RBM47: variants seen among roughly 807,000 people sequenced by gnomAD.
RBM47 encodes RNA-binding protein 47.
In RBM47, 21 loss-of-function variants were observed where a neutral mutation model predicts 47.1. The ratio of observed to expected loss-of-function variants is 0.45; its 90% CI spans 0.32 to 0.64. RBM47 has a LOEUF of 0.64. RBM47 is among the 30% of genes least tolerant of loss of function. The pLI, the probability that RBM47 is intolerant of heterozygous loss-of-function variation, is 0.05. For synonymous variants in RBM47, 375 were observed against 361.7 expected (o/e 1.04, Z -0.42); for missense variants, 708 against 870.9 (o/e 0.81, Z 2.35).
At chr4:40,456,559 C>CTT (rs1716274632) in intron 3 of RBM47, among the ~76,000 whole-genome samples, 3 of 118,728 alleles carry the variant, frequency 2.5e-5, no homozygotes, top group African/African-American at 6.2e-5. Context: ...TTTTTTTTTT[C>CTT]TTTTCTTTTT....
chr4:40,511,143 C>T (rs926272138), intron 2 of RBM47, among the ~76,000 whole-genome samples: 9 of 152,190 alleles, frequency 5.9e-5, no homozygotes, highest in Non-Finnish European at 1.2e-4. Flanking sequence ...CCAAGTTGCC[C>T]GTGTAGTTCT....
rs1194806938 is a variant in RBM47 at position 40,478,009 on chromosome 4, C to CTTTTTTTTTTTTTTTTT, written c.-154-11327_-154-11311dup. On this transcript the variant is annotated intron_variant, in intron 2 of 6. Transcript: ENST00000295971. ...TGCCACATGAGCCATGTGGCATGTTCTTTTTTTTTTTTTTTTTTTTTTTGA... is the reference window on the plus strand; with the variant it reads ...TGCCACATGAGCCATGTGGCATGTTCTTTTTTTTTTTTTTTTTTTTTTTTTTTTTTTTTTTTTTTTGA... Among the ~76,000 whole-genome samples the CTTTTTTTTTTTTTTTTT allele has an allele frequency of 6.9e-5, 6 of 86,408 alleles. 1 individual carries two copies. The highest frequency in any genetic ancestry group is 2.4e-4 in the African/African-American group (5 of 20,624). The allele number at this position is 86,408 out of a possible 152,430, so 56.7% of individuals were successfully genotyped here.
At chr4:40,596,195 G>A (rs1047499470) in intron 1 of RBM47, among the ~76,000 whole-genome samples, 3 of 152,166 alleles carry the variant, frequency 2.0e-5, no homozygotes, top group African/African-American at 2.4e-5. Flanking sequence ...TGGTTTTGTC[G>A]ACATGAGGTG....
chr4:40,501,024 T>C (rs16852276), intron 2 of RBM47, among the ~76,000 whole-genome samples: 40,433 of 151,820 alleles, frequency 0.27, 5,542 homozygotes, highest in Non-Finnish European at 0.3. Context: ...GATTATGTTC[T>C]TCATTAAGTT....
At position 40,437,758 on chromosome 4, in the gene RBM47, A is replaced by G; in HGVS notation, c.1123+13T>C. ...TCTTGGGGGCCCCACCCAGGAGAAG[A>G]GCCCCCACTAACCTTTCACAAAGTA... On this transcript the variant is annotated intron_variant, in intron 4 of 6. Transcript: ENST00000295971. The G allele has an allele frequency of 6.3e-7, 1 of 1,586,686 alleles. No individual in the cohort carries two copies.
intron 2 of RBM47, among the ~76,000 whole-genome samples, chr4:40,479,084 G>C (rs1283985692): frequency 2.0e-5 from 3 of 152,192 alleles, no homozygotes; most frequent in Non-Finnish European, 4.4e-5. Context: ...AGTTGGCTAA[G>C]AAGCTAATTA....
chr4:40,590,520 A>C (rs926628951), intron 1 of RBM47, among the ~76,000 whole-genome samples: 6 of 152,328 alleles, frequency 3.9e-5, no homozygotes, highest in African/African-American at 1.4e-4. Flanking sequence ...CTTGGACCCC[A>C]GTCTCCAAGC....
At chr4:40,479,975 ATTTTTTTTTTT>A (rs71647000) in intron 2 of RBM47, among the ~76,000 whole-genome samples, 1 of 117,312 alleles carries the variant, frequency 8.5e-6, no homozygotes, top group Non-Finnish European at 1.7e-5. Context: ...TATCATCTCC[ATTTTTTTTTTT>A]TTTTTTTTGA....
At chr4:40,534,769 C>T (rs963194247) in intron 2 of RBM47, among the ~76,000 whole-genome samples, 8 of 151,870 alleles carry the variant, frequency 5.3e-5, no homozygotes, top group African/African-American at 1.7e-4. Flanking sequence ...CCCATCTCTA[C>T]TAAAAATACA....
At chr4:40,574,121 G>C (rs1560479320) in intron 1 of RBM47, among the ~76,000 whole-genome samples, 2 of 152,152 alleles carry the variant, frequency 1.3e-5, no homozygotes, top group Admixed American at 1.3e-4. Context: ...TTGTGCAAAT[G>C]GTCTTCCGTT....
intron 2 of RBM47, among the ~76,000 whole-genome samples, chr4:40,491,394 T>C (rs1217689829): frequency 6.6e-6 from 1 of 152,158 alleles, no homozygotes; most frequent in African/African-American, 2.4e-5. Flanking sequence ...GGTATAAATC[T>C]TCATGACCTT....
intron 3 of RBM47, among the ~76,000 whole-genome samples, chr4:40,448,815 G>C (rs1714951933): frequency 1.3e-5 from 2 of 151,954 alleles, no homozygotes; most frequent in Non-Finnish European, 2.9e-5. Context: ...CATAGTTTGT[G>C]TTTTAGAGAG....
At chr4:40,569,359 C>T (rs6447202) in intron 1 of RBM47, among the ~76,000 whole-genome samples, 15,242 of 151,608 alleles carry the variant, frequency 0.1, 1,474 homozygotes, top group African/African-American at 0.25. Flanking sequence ...AAGAGTAGAA[C>T]GAGAGCATCA....
chr4:40,502,884 G>A (rs553474139), intron 2 of RBM47, among the ~76,000 whole-genome samples: 7 of 147,686 alleles, frequency 4.7e-5, no homozygotes, highest in Non-Finnish European at 8.9e-5. Context: ...TCATGCCTAC[G>A]ATCCCAGCAC....
At chr4:40,495,860 A>T (rs914011273) in intron 2 of RBM47, among the ~76,000 whole-genome samples, 22 of 151,982 alleles carry the variant, frequency 1.4e-4, no homozygotes, top group African/African-American at 4.8e-4. Flanking sequence ...TTTCCTCTGT[A>T]GTAGAAGCTA....
At chr4:40,592,660 G>A (rs562689666) in intron 1 of RBM47, among the ~76,000 whole-genome samples, 1 of 151,034 alleles carries the variant, frequency 6.6e-6, no homozygotes, top group East Asian at 2.0e-4. Context: ...CCAACCTCAG[G>A]TGATCCGCCC....
At chr4:40,541,716 C>CAA (rs1437543998) in intron 2 of RBM47, among the ~76,000 whole-genome samples, 2 of 150,368 alleles carry the variant, frequency 1.3e-5, no homozygotes, top group African/African-American at 4.9e-5. Flanking sequence ...CCAACTTGGG[C>CAA]AACAAGAGCA....
chr4:40,484,277 T>C (rs1242389751), intron 2 of RBM47, among the ~76,000 whole-genome samples: 5 of 152,178 alleles, frequency 3.3e-5, no homozygotes, highest in Non-Finnish European at 7.3e-5. Context: ...ATCTGTAACA[T>C]ATATGACTTT....
intron 3 of RBM47, among the ~76,000 whole-genome samples, chr4:40,444,277 C>T (rs771197315): frequency 1.3e-4 from 20 of 152,066 alleles, no homozygotes; most frequent in Admixed American, 2.0e-4. Flanking sequence ...CTAACATGAC[C>T]CTTCTCTCAA....
Sources: gnomAD v4.1 joint callset for allele counts (sites outside exome capture counted in the v4.1 genomes callset) on GRCh38, gnomAD v4.1.1 for gene constraint, MANE v1.5 for transcripts, NCBI Gene and HGNC (gene_info 2026-07-23, HGNC 2026-07-21) for gene names.